LRMDA: variants seen among roughly 807,000 people sequenced by gnomAD.
The protein encoded by LRMDA is leucine rich melanocyte differentiation associated, also known as leucine-rich melanocyte differentiation-associated protein.
Under a neutral mutation model 29.8 loss-of-function variants are expected in LRMDA, and 18 were observed. The ratio of observed to expected loss-of-function variants is 0.60; its 90% CI spans 0.42 to 0.90. The LOEUF is 0.90. Among genes scored for constraint, LRMDA ranks in the 40% least tolerant of loss-of-function variants. LRMDA has a pLI of 0.00. For synonymous variants in LRMDA, 125 were observed against 109.4 expected, an observed-to-expected ratio of 1.14 and a Z score of -0.89; for missense variants, 273 against 273.9, an observed-to-expected ratio of 1.00 and a Z score of 0.02.
At chr10:75,813,660 C>A (rs1844004464) in intron 2 of LRMDA, among the ~76,000 whole-genome samples, 1 of 152,138 alleles carries the variant, frequency 6.6e-6, no homozygotes. Flanking sequence ...AGAAAATATA[C>A]AATATATGTT....
intron 2 of LRMDA, among the ~76,000 whole-genome samples, chr10:75,518,094 T>C (rs9946628): frequency 6.6e-6 from 1 of 152,204 alleles, no homozygotes; most frequent in Non-Finnish European, 1.5e-5. Context: ...CTGCTGGATT[T>C]GGTTTGCCAG....
At chr10:75,752,830 A>G (rs1353218077) in intron 2 of LRMDA, among the ~76,000 whole-genome samples, 1 of 152,166 alleles carries the variant, frequency 6.6e-6, no homozygotes, top group Non-Finnish European at 1.5e-5. Flanking sequence ...GTTTGTTGCT[A>G]CTGGGTTTGT....
intron 6 of LRMDA, among the ~76,000 whole-genome samples, chr10:76,416,313 T>C (rs565233496): frequency 6.6e-6 from 1 of 152,178 alleles, no homozygotes; most frequent in Non-Finnish European, 1.5e-5. Flanking sequence ...GAGGTTCGTG[T>C]GGATATGTGT....
At chr10:75,451,874 GT>G (rs1844466105) in intron 2 of LRMDA, 1 of 114,402 alleles carries the variant, frequency 8.7e-6, no homozygotes, top group Non-Finnish European at 2.0e-5. Flanking sequence ...TATTGCTCTG[GT>G]AAAAAAAAAA....
At chr10:76,184,003 T>G (rs1004494013) in intron 5 of LRMDA, among the ~76,000 whole-genome samples, 1 of 151,482 alleles carries the variant, frequency 6.6e-6, no homozygotes, top group Non-Finnish European at 1.5e-5. Context: ...ATTACAAGTG[T>G]GAGCCACCCC....
chr10:75,672,521 T>TTTTCC (rs1564536222), intron 2 of LRMDA, among the ~76,000 whole-genome samples: 751 of 26,544 alleles, frequency 0.028, 314 homozygotes, highest in Non-Finnish European at 0.036. Context: ...TTTTCTTTTC[T>TTTTCC]TTTCCTCCCC....
intron 2 of LRMDA, among the ~76,000 whole-genome samples, chr10:75,833,917 T>C (rs910319895): frequency 5.3e-5 from 8 of 152,148 alleles, no homozygotes; most frequent in Admixed American, 3.3e-4. Flanking sequence ...GGCAAACTTC[T>C]TTAGGTTTCA....
At chr10:76,470,970 A>G (rs1268179295) in intron 6 of LRMDA, among the ~76,000 whole-genome samples, 2 of 151,964 alleles carry the variant, frequency 1.3e-5, no homozygotes, top group Non-Finnish European at 2.9e-5. Flanking sequence ...ACTCTAAAAA[A>G]GCAATTATAT....
intron 2 of LRMDA, among the ~76,000 whole-genome samples, chr10:75,716,318 T>G (rs1280378118): frequency 6.6e-6 from 1 of 152,220 alleles, no homozygotes; most frequent in Admixed American, 6.5e-5. Flanking sequence ...GGCGATATCA[T>G]GAGCTGGCAA....
chr10:75,834,245 C>T (rs191771396), intron 2 of LRMDA, among the ~76,000 whole-genome samples: 173 of 152,266 alleles, frequency 1.1e-3, no homozygotes, highest in African/African-American at 3.8e-3. Context: ...TCCTCCATAG[C>T]TTTTTCTGGA....
intron 6 of LRMDA, among the ~76,000 whole-genome samples, chr10:76,379,529 A>G (rs1841564481): frequency 6.6e-6 from 1 of 151,964 alleles, no homozygotes; most frequent in African/African-American, 2.4e-5. Context: ...GTAGTCTTTT[A>G]TGAGCTTTTG....
At chr10:75,575,906 C>T (rs989402119) in intron 2 of LRMDA, among the ~76,000 whole-genome samples, 7 of 152,084 alleles carry the variant, frequency 4.6e-5, no homozygotes, top group African/African-American at 2.4e-5. Context: ...CCACCAGGGC[C>T]CTGGGTTTCC....
At chr10:76,037,655 T>G (rs1432702335) in intron 3 of LRMDA, among the ~76,000 whole-genome samples, 4 of 152,192 alleles carry the variant, frequency 2.6e-5, no homozygotes. Flanking sequence ...TGAAGATACT[T>G]TCTCACTGTA....
At chr10:75,706,624 A>G (rs1003366418) in intron 2 of LRMDA, among the ~76,000 whole-genome samples, 2 of 152,204 alleles carry the variant, frequency 1.3e-5, no homozygotes, top group African/African-American at 4.8e-5. Flanking sequence ...CAATGAACAG[A>G]ATGAGGATTG....
intron 2 of LRMDA, among the ~76,000 whole-genome samples, chr10:75,582,198 T>C (rs980568369): frequency 1.3e-5 from 2 of 152,224 alleles, no homozygotes; most frequent in Non-Finnish European, 2.9e-5. Flanking sequence ...AGTGCCCCAC[T>C]GGGGACTCTG....
At chr10:76,027,904 G>A (rs867640603) in intron 2 of LRMDA, among the ~76,000 whole-genome samples, 27 of 152,092 alleles carry the variant, frequency 1.8e-4, no homozygotes, top group African/African-American at 5.8e-4. Flanking sequence ...TTATGATACA[G>A]ATATATTGAG....
chr10:75,542,010 T>G (rs1264012610), intron 2 of LRMDA, among the ~76,000 whole-genome samples: 1 of 152,158 alleles, frequency 6.6e-6, no homozygotes, highest in East Asian at 1.9e-4. Flanking sequence ...CTGTTGCAGC[T>G]GGGCATTTAA....
chr10:76,510,421 T>TG (rs397797346), intron 6 of LRMDA, among the ~76,000 whole-genome samples: 2 of 151,700 alleles, frequency 1.3e-5, no homozygotes. Context: ...TGCTTTTTTT[T>TG]GGGAACATGA....
intron 6 of LRMDA, among the ~76,000 whole-genome samples, chr10:76,512,268 C>T (rs948071603): frequency 4.6e-5 from 7 of 152,148 alleles, no homozygotes; most frequent in Non-Finnish European, 1.5e-5. Flanking sequence ...TTCCCAGTAT[C>T]GGGTATGTCT....
Sources: gnomAD v4.1 joint callset for allele counts (sites outside exome capture counted in the v4.1 genomes callset) on GRCh38, gnomAD v4.1.1 for gene constraint, MANE v1.5 for transcripts, NCBI Gene and HGNC (gene_info 2026-07-23, HGNC 2026-07-21) for gene names.